Variants in FMN2 observed in about 807,000 individuals in gnomAD.
FMN2 encodes formin 2.
FMN2 carries 51 observed loss-of-function variants against 142.3 expected under a neutral mutation model. That is an observed-to-expected ratio of 0.36 (90% CI 0.29 to 0.45). The LOEUF (loss-of-function observed/expected upper bound fraction) is 0.45. Among genes scored for constraint, FMN2 ranks in the 20% least tolerant of loss-of-function variants. The pLI is 1.00. For missense variants in FMN2, 1,936 were observed against 2,122.8 expected (o/e 0.91, Z 1.73); for synonymous variants, 882 against 869.8 (o/e 1.01, Z -0.25).
intron 2 of FMN2, among the ~76,000 whole-genome samples, chr1:240,139,995 G>T (rs1663112009): frequency 6.6e-6 from 1 of 152,154 alleles, no homozygotes; most frequent in Non-Finnish European, 1.5e-5. Flanking sequence ...GATGCCTACA[G>T]GTATTATTGG....
intron 2 of FMN2, chr1:240,143,778 C>T (rs1663298731): frequency 6.0e-6 from 9 of 1,511,986 alleles, no homozygotes; most frequent in Non-Finnish European, 7.4e-6. Context: ...GTGGAAGTTA[C>T]ATCTCCATTG....
intron 3 of FMN2, among the ~76,000 whole-genome samples, chr1:240,187,247 G>A (rs1183514734): frequency 1.4e-5 from 2 of 140,418 alleles, no homozygotes; most frequent in African/African-American, 5.5e-5. Flanking sequence ...TCCAGCCTGG[G>A]TGAAAGAGCG....
chr1:240,153,140 T>C (rs36054446), intron 2 of FMN2, among the ~76,000 whole-genome samples: 69,898 of 151,934 alleles, frequency 0.46, 17,320 homozygotes, highest in South Asian at 0.65. Flanking sequence ...GGCTGGCTCA[T>C]TTGTCCTCCG....
intron 12 of FMN2, 35 bp downstream of exon 12, chr1:240,333,981 ATTC>A: frequency 6.3e-7 from 1 of 1,585,610 alleles, no homozygotes; most frequent in South Asian, 1.2e-5. Flanking sequence ...ATATTCCATT[ATTC>A]TTTATTCGTT....
chr1:240,450,051 A>C (rs1311218938), intron 16 of FMN2, among the ~76,000 whole-genome samples: 1 of 152,076 alleles, frequency 6.6e-6, no homozygotes, highest in Non-Finnish European at 1.5e-5. Context: ...TTCTTTGACC[A>C]ATGTCTCCCC....
At chr1:240,378,281 G>T (rs983836764) in intron 14 of FMN2, among the ~76,000 whole-genome samples, 1 of 152,034 alleles carries the variant, frequency 6.6e-6, no homozygotes, top group African/African-American at 2.4e-5. Flanking sequence ...CTCCCAAGTA[G>T]CTGGGATTAC....
intron 2 of FMN2, among the ~76,000 whole-genome samples, chr1:240,176,378 C>A (rs569031522): frequency 6.6e-6 from 1 of 152,256 alleles, no homozygotes; most frequent in African/African-American, 2.4e-5. Context: ...GCTTGCCACT[C>A]TGGTAGGTGC....
At chr1:240,399,500 G>C (rs562575137) in intron 15 of FMN2, among the ~76,000 whole-genome samples, 49 of 152,224 alleles carry the variant, frequency 3.2e-4, no homozygotes, top group Non-Finnish European at 1.3e-4. Flanking sequence ...ACGTCTTATG[G>C]GAGCCGCTGC....
chr1:240,402,961 C>T (rs961167537), intron 15 of FMN2, among the ~76,000 whole-genome samples: 5 of 152,092 alleles, frequency 3.3e-5, no homozygotes, highest in Admixed American at 1.3e-4. Context: ...TGACTTTTGA[C>T]GTAGAAAAAG....
intron 15 of FMN2, among the ~76,000 whole-genome samples, chr1:240,398,247 GCCCGCCTTGGCCT>G (rs973920219): frequency 1.3e-5 from 2 of 152,030 alleles, no homozygotes; most frequent in African/African-American, 4.8e-5. Context: ...CAAGTGGTCT[GCCCGCCTTGGCCT>G]CCCAAAGAGC....
At chr1:240,430,691 C>G (rs1453478111) in intron 15 of FMN2, among the ~76,000 whole-genome samples, 1 of 149,862 alleles carries the variant, frequency 6.7e-6, no homozygotes, top group Non-Finnish European at 1.5e-5. Context: ...AACAGATACC[C>G]CATTGTTCTA....
At chr1:240,318,517 A>C (rs1050957314) in intron 8 of FMN2, among the ~76,000 whole-genome samples, 3 of 152,000 alleles carry the variant, frequency 2.0e-5, no homozygotes, top group Non-Finnish European at 4.4e-5. Context: ...GAAGTTCATC[A>C]CCATGCTGTT....
At chr1:240,194,109 A>G (rs1359535092) in intron 4 of FMN2, among the ~76,000 whole-genome samples, 2 of 114,888 alleles carry the variant, frequency 1.7e-5, no homozygotes, top group African/African-American at 3.8e-5. Context: ...TCTGTCTTAT[A>G]CATGTTTCTT....
intron 7 of FMN2, among the ~76,000 whole-genome samples, chr1:240,267,632 TA>T (rs60539167): frequency 0.046 from 6,482 of 140,456 alleles, 405 homozygotes; most frequent in African/African-American, 0.15. Context: ...CCCCTGAACT[TA>T]AAAAAAAAAA....
chr1:240,320,040 G>T (rs191960913), intron 8 of FMN2, among the ~76,000 whole-genome samples: 1 of 152,136 alleles, frequency 6.6e-6, no homozygotes, highest in Non-Finnish European at 1.5e-5. Flanking sequence ...CTGAATCTGC[G>T]CTGGCTGGTG....
chr1:240,148,651 G>A (rs1433652663), intron 2 of FMN2, among the ~76,000 whole-genome samples: 1 of 152,184 alleles, frequency 6.6e-6, no homozygotes, highest in Non-Finnish European at 1.5e-5. Context: ...GATGTAAAAT[G>A]CAGATGTTCA....
intron 4 of FMN2, among the ~76,000 whole-genome samples, chr1:240,203,875 T>A (rs1666225125): frequency 6.6e-6 from 1 of 152,156 alleles, no homozygotes. Flanking sequence ...AAAAACTACA[T>A]GGCAATATAG....
intron 16 of FMN2, among the ~76,000 whole-genome samples, chr1:240,454,551 G>T (rs970971590): frequency 1.3e-5 from 2 of 152,064 alleles, no homozygotes; most frequent in Non-Finnish European, 2.9e-5. Flanking sequence ...CTAAAGAAAA[G>T]AATAAATATA....
intron 2 of FMN2, chr1:240,144,614 A>G: frequency 1.5e-6 from 2 of 1,301,784 alleles, no homozygotes; most frequent in South Asian, 2.4e-5. Flanking sequence ...CTTTCAGAAC[A>G]CACCCAGGGC....
Sources: allele counts gnomAD v4.1 joint callset (sites outside exome capture counted in the v4.1 genomes callset), GRCh38; gene constraint gnomAD v4.1.1; transcripts MANE v1.5; gene names NCBI Gene and HGNC (gene_info 2026-07-23, HGNC 2026-07-21).